Variants in PCDHGB1 observed in about 807,000 individuals in gnomAD.
PCDHGB1 encodes protocadherin gamma-B1.
Under a neutral mutation model 56.6 loss-of-function variants are expected in PCDHGB1, and 34 were observed. The observed-to-expected ratio is 0.60, with a 90% CI of 0.46 to 0.80. PCDHGB1 has a LOEUF of 0.80. Among genes scored for constraint, PCDHGB1 ranks in the 30% least tolerant of loss-of-function variants. PCDHGB1 has a pLI of 0.00. For synonymous variants in PCDHGB1, 561 were observed against 505.9 expected (o/e 1.11, Z -1.46); for missense variants, 1,278 against 1,204.6 (o/e 1.06, Z -0.90).
At chr5:141,374,865 T>C (rs759726307) in intron 1 of PCDHGB1, 2 of 1,613,676 alleles carry the variant, frequency 1.2e-6, no homozygotes, top group African/African-American at 1.3e-5. Flanking sequence ...GGCACACCAG[T>C]GTTGGCAGTG....
rs113341686 is a variant in PCDHGB1, at chr5:141,488,763, G to A, written c.2410-6044G>A. Among the ~76,000 whole-genome samples the A allele has an allele frequency of 6.6e-4, 101 of 152,264 alleles. 1 individual carries two copies. The highest frequency in any genetic ancestry group is 1.7e-3 in the African/African-American group (69 of 41,544). ...ATGCAGGAAGTTGCTGGGACAGAACGCTGAGGAGTTTTGTATCACTTTGTC... is the reference window on the plus strand; with the variant it reads ...ATGCAGGAAGTTGCTGGGACAGAACACTGAGGAGTTTTGTATCACTTTGTC... On this transcript the variant is annotated intron_variant, in intron 1 of 3. Coordinates refer to ENST00000523390, the MANE Select transcript of PCDHGB1 (RefSeq NM_018922.3).
chr5:141,476,317 G>T lies in PCDHGB1; in HGVS notation c.2410-18490G>T, dbSNP rs759809060. ...GTAGCCTCTCAGCCCGCAGGTTCCG[G>T]GTGGTGTCTGGAGCTAGCCGAAGAT... On this transcript the variant is annotated intron_variant, in intron 1 of 3. Transcript: ENST00000523390. This position sits in a 1 kb window ranked among gnomAD's most constrained non-coding sequence, Gnocchi z 7.6. 1.9e-6 allele frequency: 3 copies of T among 1,614,170 alleles called. No individual in the cohort carries two copies. The highest frequency in any genetic ancestry group is 1.7e-5 in the Admixed American group (1 of 60,024).
Position 141,351,637 on chromosome 5 carries a change from G to A in PCDHGB1, c.1377G>A (p.Glu459=). Residue 459 remains glutamate (E), a synonymous_variant, in exon 1 of 4, where the codon GAG becomes GAA. Coordinates refer to ENST00000523390, the MANE Select transcript of PCDHGB1 (RefSeq NM_018922.3). ...CCTCCTATGTGGTCCACGTGTCTGA[G>A]AACAACCCACCTGGCGCCTCCATTG... is the stretch of plus-strand genomic sequence containing the variant. ...HQASYVVHVS[E]NNPPGASIAQ... 1 of 1,614,028 alleles carries A rather than the reference G, an allele frequency of 6.2e-7. No individual in the cohort carries two copies. Among genetic ancestry groups the A allele is most frequent in the Non-Finnish European group, 8.5e-7 (1 of 1,179,904 alleles).
Position 141,491,793 on chromosome 5 carries a change from C to A in PCDHGB1, c.2410-3014C>A. 6.6e-7 allele frequency: 1 copy of A among 1,511,410 alleles called. No homozygotes were observed. The highest frequency in any genetic ancestry group is 1.3e-5 in the South Asian group (1 of 77,572). The allele number at this position is 1,511,410 out of a possible 1,614,324, so 93.6% of individuals were successfully genotyped here. On this transcript the variant is annotated intron_variant, in intron 1 of 3. Coordinates refer to ENST00000523390, the MANE Select transcript of PCDHGB1 (RefSeq NM_018922.3). This position sits in a 1 kb window ranked among gnomAD's most constrained non-coding sequence, Gnocchi z 6.9. ...AGGGATTGAACTTGCATCCACTCCT[C>A]TCCGGCCGGCTTGGTCGCTGGCTGC...
Position 141,419,399 on chromosome 5 carries a change from G to C in PCDHGB1, c.2409+66730G>C, listed in dbSNP as rs893535249. On this transcript the variant is annotated intron_variant, in intron 1 of 3. Coordinates refer to ENST00000523390, the MANE Select transcript of PCDHGB1 (RefSeq NM_018922.3). ...GTCCGTGAGCGCGCAGAGCGGGGTG[G>C]TGTTCGCGCAGCGCGCCTTCGACCA... 1.7e-5 allele frequency: 28 copies of C among 1,613,470 alleles called. No individual in the cohort carries two copies. Among genetic ancestry groups the C allele is most frequent in the Admixed American group, 1.7e-5 (1 of 60,014 alleles).
intron 1 of PCDHGB1, chr5:141,403,564 G>A (rs2094422320): frequency 2.5e-6 from 4 of 1,613,834 alleles, no homozygotes; most frequent in Non-Finnish European, 2.5e-6. Context: ...ACAGGGAGGA[G>A]GCAACTGCCC....
intron 1 of PCDHGB1, among the ~76,000 whole-genome samples, chr5:141,463,380 A>G (rs994170903): frequency 2.0e-5 from 3 of 149,876 alleles, no homozygotes; most frequent in Admixed American, 6.7e-5. Context: ...ACAGTCTGAA[A>G]GTTGTCTCCA....
intron 1 of PCDHGB1, chr5:141,398,637 T>G: frequency 6.2e-7 from 1 of 1,614,026 alleles, no homozygotes; most frequent in Non-Finnish European, 8.5e-7. Context: ...TGCAGAAGTA[T>G]AAACTCTCTC....
intron 1 of PCDHGB1, chr5:141,441,209 G>A (rs1276958461): frequency 1.3e-5 from 2 of 152,158 alleles, no homozygotes; most frequent in East Asian, 3.9e-4. Flanking sequence ...TCTGCACCTT[G>A]GACAGTAATC....
intron 1 of PCDHGB1, among the ~76,000 whole-genome samples, chr5:141,397,274 G>A (rs565956732): frequency 6.6e-6 from 1 of 152,188 alleles, no homozygotes; most frequent in East Asian, 1.9e-4. Flanking sequence ...TACATCATAT[G>A]GGCAGTATAC....
chr5:141,421,787 C>T (rs753196648), intron 1 of PCDHGB1: 8 of 1,613,694 alleles, frequency 5.0e-6, no homozygotes, highest in East Asian at 2.2e-5. Context: ...CGGGGCAGAA[C>T]GGATGGGGCC....
chr5:141,400,594 A>G (rs2150867049), intron 1 of PCDHGB1: 1 of 1,603,498 alleles, frequency 6.2e-7, no homozygotes, highest in Non-Finnish European at 8.5e-7. Context: ...AAACTATCGT[A>G]CATTTTCAAG....
intron 1 of PCDHGB1, among the ~76,000 whole-genome samples, chr5:141,456,790 C>T (rs1364747385): frequency 6.6e-6 from 1 of 151,976 alleles, no homozygotes; most frequent in Admixed American, 6.6e-5. Flanking sequence ...TGGCAAAACC[C>T]CATCTCTACT....
Position 141,432,923 on chromosome 5 carries a change from T to C in PCDHGB1, c.2410-61884T>C. ...GCTCAGGCTGCGGCGCTGGCACAAG[T>C]CACGCCTGCTGCAGGCTTCAGGAGG... On this transcript the variant is annotated intron_variant, in intron 1 of 3. Coordinates refer to ENST00000523390, the MANE Select transcript of PCDHGB1 (RefSeq NM_018922.3). This position sits in a 1 kb window ranked among gnomAD's most constrained non-coding sequence, Gnocchi z 6.0. The C allele has an allele frequency of 6.2e-7, 1 of 1,614,186 alleles. No homozygotes were observed. Among genetic ancestry groups the C allele is most frequent in the Non-Finnish European group, 8.5e-7 (1 of 1,180,034 alleles).
intron 2 of PCDHGB1, among the ~76,000 whole-genome samples, chr5:141,498,847 C>T (rs932801278): frequency 1.3e-5 from 2 of 151,856 alleles, no homozygotes; most frequent in Admixed American, 1.3e-4. Flanking sequence ...GCAGGGGAAT[C>T]GCTTGAACCC....
Position 141,421,845 on chromosome 5 carries a change from G to C in PCDHGB1, c.2409+69176G>C, listed in dbSNP as rs369443134. On this transcript the variant is annotated intron_variant, in intron 1 of 3. Transcript: ENST00000523390. ...AGGGAAGCCTGGACCGAGAGAAAGA[G>C]GCTGCTCACCTGCTCCTCCTCACAG... The C allele has an allele frequency of 1.1e-5, 18 of 1,613,638 alleles. No homozygotes were observed. The African/African-American group carries it at 2.1e-4, about 19-fold the overall frequency.
At chr5:141,359,496 TACTAGATAACTATATTATGGGCC>T (rs1761233589) in intron 1 of PCDHGB1, among the ~76,000 whole-genome samples, 2 of 151,226 alleles carry the variant, frequency 1.3e-5, no homozygotes, top group East Asian at 3.9e-4. Context: ...TATTACGGAC[TACTAGATAACTATATTATGGGCC>T]ACTAGATAAC....
intron 1 of PCDHGB1, among the ~76,000 whole-genome samples, chr5:141,465,017 C>T (rs1278815002): frequency 6.6e-6 from 1 of 152,132 alleles, no homozygotes; most frequent in Non-Finnish European, 1.5e-5. Context: ...GCTAAGATTA[C>T]AGCCATGAAC....
chr5:141,449,040 C>A (rs1333983931), intron 1 of PCDHGB1, among the ~76,000 whole-genome samples: 2 of 152,126 alleles, frequency 1.3e-5, no homozygotes, highest in Non-Finnish European at 2.9e-5. Flanking sequence ...GGATTATTAA[C>A]CAGTCTCATA....
Sources: allele counts gnomAD v4.1 joint callset (sites outside exome capture counted in the v4.1 genomes callset), GRCh38; gene constraint gnomAD v4.1.1; non-coding constraint Gnocchi (gnomAD v3.1); transcripts MANE v1.5; gene names NCBI Gene and HGNC (gene_info 2026-07-23, HGNC 2026-07-21).